Variants in FMNL2 observed in about 807,000 individuals in gnomAD.
FMNL2 encodes the protein formin-like protein 2.
FMNL2 carries 51 observed loss-of-function variants against 130.2 expected under a neutral mutation model. The observed-to-expected ratio is 0.39, with a 90% CI of 0.31 to 0.49. The LOEUF (loss-of-function observed/expected upper bound fraction) is 0.49. Ranked by LOEUF, FMNL2 falls within the 20% of genes least tolerant of loss-of-function variation. The pLI is 0.85. For missense variants in FMNL2, 977 were observed against 1,316.2 expected, an observed-to-expected ratio of 0.74 and a Z score of 3.99; for synonymous variants, 465 against 467.1, an observed-to-expected ratio of 1.00 and a Z score of 0.06.
At chr2:152,637,799 C>T (rs774335727) in intron 23 of FMNL2, 125 bp downstream of exon 23, 104 of 779,754 alleles carry the variant, frequency 1.3e-4, no homozygotes, top group Middle Eastern at 2.3e-4. Context: ...GTGGCATTCA[C>T]GAGATAGCAG....
chr2:152,512,292 A>G (rs1174050693), intron 1 of FMNL2, among the ~76,000 whole-genome samples: 2 of 152,226 alleles, frequency 1.3e-5, no homozygotes, highest in African/African-American at 2.4e-5. Flanking sequence ...AAATTGCATG[A>G]GTGATTCTTT....
intron 25 of FMNL2, chr2:152,643,667 G>GT: frequency 6.9e-7 from 1 of 1,439,592 alleles, no homozygotes; most frequent in East Asian, 2.5e-5. Flanking sequence ...ATGCTGCATG[G>GT]TTTTGCATTT....
intron 1 of FMNL2, among the ~76,000 whole-genome samples, chr2:152,346,199 A>C (rs1682113016): frequency 6.6e-6 from 1 of 151,846 alleles, no homozygotes; most frequent in Admixed American, 6.6e-5. Context: ...TAATTTTTGT[A>C]TTTGTAGTAG....
intron 1 of FMNL2, among the ~76,000 whole-genome samples, chr2:152,501,761 CGAT>C (rs1691849245): frequency 1.3e-5 from 2 of 151,530 alleles, no homozygotes; most frequent in South Asian, 4.2e-4. Context: ...AGAAGGAAGA[CGAT>C]GATGAGAATG....
At chr2:152,448,794 G>A (rs144457053) in intron 1 of FMNL2, among the ~76,000 whole-genome samples, 3 of 152,196 alleles carry the variant, frequency 2.0e-5, no homozygotes, top group Admixed American at 2.0e-4. Context: ...GAAAATCCTT[G>A]GAGAGTGCTG....
chr2:152,405,586 T>C (rs1169111961), intron 1 of FMNL2, among the ~76,000 whole-genome samples: 1 of 152,242 alleles, frequency 6.6e-6, no homozygotes, highest in Non-Finnish European at 1.5e-5. Flanking sequence ...TTCCTGTGTC[T>C]ACCTTGCGTG....
intron 1 of FMNL2, among the ~76,000 whole-genome samples, chr2:152,348,435 G>A (rs76321436): frequency 0.058 from 8,872 of 152,232 alleles, 808 homozygotes; most frequent in African/African-American, 0.19. Flanking sequence ...ACTTGATAAG[G>A]GAACGGTGCC....
At chr2:152,441,670 C>G (rs1040889355) in intron 1 of FMNL2, among the ~76,000 whole-genome samples, 6 of 151,972 alleles carry the variant, frequency 3.9e-5, no homozygotes, top group Non-Finnish European at 8.8e-5. Flanking sequence ...AACCCCATCT[C>G]TACTAAAAAT....
intron 1 of FMNL2, among the ~76,000 whole-genome samples, chr2:152,457,419 A>C (rs1432275158): frequency 2.0e-5 from 3 of 152,186 alleles, no homozygotes; most frequent in African/African-American, 7.2e-5. Flanking sequence ...AAGTCTTTGA[A>C]GCTGATGTTA....
chr2:152,413,104 A>G (rs1002960345), intron 1 of FMNL2, among the ~76,000 whole-genome samples: 1 of 152,168 alleles, frequency 6.6e-6, no homozygotes, highest in African/African-American at 2.4e-5. Context: ...AACATAAAAG[A>G]TATCATTGGC....
rs2105956085 is a variant in FMNL2, at chr2:152,637,662, G to A, written c.2934G>A (p.Val978=). Residue 978 remains valine (V), a synonymous_variant, in exon 23 of 26, where the codon GTG becomes GTA. Transcript: ENST00000288670. The part of the protein sequence containing the change: ...SVFFPVFVRF[V]KAYKQAEEEN... ...TCTTTCCTGTCTTTGTCCGGTTTGT[G>A]AAAGCATATAAGGTATATGTTAAGG... 3.1e-6 allele frequency: 5 copies of A among 1,613,958 alleles called. No individual in the cohort carries two copies. Among genetic ancestry groups the A allele is most frequent in the Non-Finnish European group, 4.2e-6 (5 of 1,179,850 alleles).
chr2:152,549,010 T>G lies in FMNL2; in HGVS notation c.283-11T>G, dbSNP rs1349258530. 6.3e-7 allele frequency: 1 copy of G among 1,596,390 alleles called. No individual in the cohort carries two copies. ...AAATATTTTGTGAGAATATGTGTTC[T>G]TGAATTATAGAAATTCAGACGGCGT... On this transcript the variant is annotated splice_polypyrimidine_tract_variant and intron_variant, in intron 3 of 25. Transcript: ENST00000288670.
In FMNL2 at chr2:152,510,839, A is replaced by G. The variant is rs73968049; in HGVS notation, c.118-11104A>G. Among the ~76,000 whole-genome samples the G allele has an allele frequency of 4.0e-3, 607 of 152,346 alleles. 5 individuals are homozygous for G. The highest frequency in any genetic ancestry group is 0.014 in the African/African-American group (581 of 41,572). On this transcript the variant is annotated intron_variant, in intron 1 of 25. Coordinates refer to ENST00000288670, the MANE Select transcript of FMNL2 (RefSeq NM_052905.4). ...CTTGGCTGGGCTTGTCTGGAGAGAC[A>G]CTGTGGGTTTCTGGAAATGAGACCA...
intron 23 of FMNL2, among the ~76,000 whole-genome samples, chr2:152,637,913 A>G (rs1198707792): frequency 2.0e-5 from 3 of 152,220 alleles, no homozygotes; most frequent in Non-Finnish European, 4.4e-5. Context: ...CCCTTGGGGC[A>G]AGGGAGATGC....
chr2:152,629,254 T>C (rs567901167), intron 18 of FMNL2, among the ~76,000 whole-genome samples: 15 of 151,580 alleles, frequency 9.9e-5, no homozygotes, highest in African/African-American at 3.7e-4. Flanking sequence ...TTCCCCTCCC[T>C]TTTTTTTCAT....
chr2:152,517,727 A>G (rs1188655901), intron 1 of FMNL2, among the ~76,000 whole-genome samples: 1 of 152,236 alleles, frequency 6.6e-6, no homozygotes, highest in Non-Finnish European at 1.5e-5. Flanking sequence ...ATTAACATCC[A>G]CTGAACTTTT....
chr2:152,351,509 T>A (rs1209428469), intron 1 of FMNL2, among the ~76,000 whole-genome samples: 5 of 152,166 alleles, frequency 3.3e-5, no homozygotes, highest in African/African-American at 1.2e-4. Flanking sequence ...GCTTCATCCA[T>A]GTCCCTGCAA....
intron 1 of FMNL2, among the ~76,000 whole-genome samples, chr2:152,418,212 T>G (rs1686717951): frequency 6.6e-6 from 1 of 152,196 alleles, no homozygotes; most frequent in Non-Finnish European, 1.5e-5. Flanking sequence ...AAATTACCCC[T>G]TAGTCCATTG....
chr2:152,415,079 C>T (rs1014497009), intron 1 of FMNL2, among the ~76,000 whole-genome samples: 4 of 151,928 alleles, frequency 2.6e-5, no homozygotes, highest in Non-Finnish European at 5.9e-5. Flanking sequence ...GTCACTAATA[C>T]TTGGGTCATT....
Sources: gnomAD v4.1 joint callset for allele counts (sites outside exome capture counted in the v4.1 genomes callset) on GRCh38, gnomAD v4.1.1 for gene constraint, MANE v1.5 for transcripts, NCBI Gene and HGNC (gene_info 2026-07-23, HGNC 2026-07-21) for gene names.